Variants in RLF observed in about 807,000 individuals in gnomAD.
RLF encodes zinc finger protein Rlf.
Under a neutral mutation model 162.9 loss-of-function variants are expected in RLF, and 7 were observed. That is an observed-to-expected ratio of 0.04 (90% CI 0.02 to 0.08). The LOEUF (loss-of-function observed/expected upper bound fraction) is 0.08, where lower values mean the gene tolerates loss of function less well. RLF is among the 10% of genes least tolerant of loss of function. The probability of loss-of-function intolerance (pLI) is 1.00; values close to 1 mark genes in which losing one functional copy is unlikely to be tolerated. For missense variants in RLF, 1,664 were observed against 2,244.7 expected, an observed-to-expected ratio of 0.74 and a Z score of 5.23; for synonymous variants, 782 against 791.5, an observed-to-expected ratio of 0.99 and a Z score of 0.20.
intron 5 of RLF, among the ~76,000 whole-genome samples, chr1:40,215,772 G>A (rs895561753): frequency 1.1e-4 from 16 of 151,996 alleles, no homozygotes; most frequent in Admixed American, 5.9e-4. Context: ...GATGAATGAT[G>A]AAACACAACA....
intron 1 of RLF, among the ~76,000 whole-genome samples, chr1:40,162,722 ATC>A (rs1226964921): frequency 3.9e-5 from 6 of 152,162 alleles, no homozygotes; most frequent in African/African-American, 1.4e-4. Context: ...GAAGCACCTC[ATC>A]TCTCTGAATG....
intron 5 of RLF, among the ~76,000 whole-genome samples, chr1:40,207,432 G>A (rs182169513): frequency 2.6e-5 from 4 of 152,102 alleles, no homozygotes; most frequent in African/African-American, 7.2e-5. Flanking sequence ...TATGCTATCT[G>A]TATATTTATA....
chr1:40,186,163 CA>C (rs942743702), intron 1 of RLF, among the ~76,000 whole-genome samples: 1 of 151,342 alleles, frequency 6.6e-6, no homozygotes, highest in Non-Finnish European at 1.5e-5. Flanking sequence ...ATTAAAAAAA[CA>C]AAAAGAAAGA....
intron 7 of RLF, among the ~76,000 whole-genome samples, chr1:40,234,801 C>T (rs536938462): frequency 6.6e-6 from 1 of 152,166 alleles, no homozygotes; most frequent in South Asian, 2.1e-4. Context: ...ATTTCAGCCT[C>T]TCAGATAAAA....
intron 6 of RLF, among the ~76,000 whole-genome samples, chr1:40,229,393 T>G (rs1230508267): frequency 1.3e-5 from 2 of 152,096 alleles, no homozygotes; most frequent in Admixed American, 1.3e-4. Context: ...CATTTTAAAT[T>G]AATTATATTG....
chr1:40,215,070 C>T (rs1046953737), intron 5 of RLF, among the ~76,000 whole-genome samples: 8 of 151,862 alleles, frequency 5.3e-5, no homozygotes. Context: ...TAGAGAAGGT[C>T]AGCATCAAAT....
chr1:40,204,111 G>A (rs1357852037), intron 5 of RLF, among the ~76,000 whole-genome samples: 6 of 150,478 alleles, frequency 4.0e-5, no homozygotes, highest in African/African-American at 1.2e-4. Context: ...TTGCTCCTGG[G>A]TTCAAGCAAT....
rs1643257864 is a variant in RLF, at chr1:40,239,195, A to G, written c.4493A>G (p.Asp1498Gly). ...LRSEKVCQTA[D>G]TQGHEHQTTR... The stretch of plus-strand genomic sequence containing the variant: ...AGTGAAAAGGTATGTCAAACAGCTG[A>G]TACTCAGGGGCATGAACATCAGACC... The change falls in exon 8 of 8, where the codon GAT becomes GGT. Residue 1498 changes from aspartate (D) to glycine (G), a missense_variant. Asp to Gly is a moderately conservative substitution (Grantham distance 94). Transcript: ENST00000372771. The G allele has an allele frequency of 6.2e-7, 1 of 1,614,186 alleles. No individual in the cohort carries two copies. Among genetic ancestry groups the G allele is most frequent in the East Asian group, 2.2e-5 (1 of 44,890 alleles).
chr1:40,236,783 C>G lies in RLF; in HGVS notation c.2081C>G (p.Ala694Gly). Residue 694 changes from alanine (A) to glycine (G), a missense_variant, in exon 8 of 8, where the codon GCT (alanine) becomes GGT (glycine). Around this residue, in one of 15 missense-constraint regions of RLF, gnomAD observed 69 missense variants for 206.4 expected, o/e 0.33. Transcript: ENST00000372771. The surrounding 1 kb of genome is among the most constrained non-coding windows in gnomAD (Gnocchi z 7.7). Reference sequence around the variant, plus strand: ...AAATACTTAAGTGTGCATCTTAAAGCTGAACACCAAAATAATGATGAAAAT... The same window carrying G: ...AAATACTTAAGTGTGCATCTTAAAGGTGAACACCAAAATAATGATGAAAAT... Reference protein sequence around the residue: ...QFKYLSVHLKAEHQNNDENAK... With the variant: ...QFKYLSVHLKGEHQNNDENAK... 6.2e-7 allele frequency: 1 copy of G among 1,614,066 alleles called. No homozygotes were observed. The highest frequency in any genetic ancestry group is 8.5e-7 in the Non-Finnish European group (1 of 1,179,978).
At chr1:40,172,690 C>G (rs1458196469) in intron 1 of RLF, among the ~76,000 whole-genome samples, 1 of 152,116 alleles carries the variant, frequency 6.6e-6, no homozygotes, top group African/African-American at 2.4e-5. Context: ...TGGTTGAACC[C>G]AGGAGGCAGA....
chr1:40,218,374 A>T lies in RLF; in HGVS notation c.811-4200A>T, dbSNP rs1642953066. ...TCCCTTGGCTGGTTACTTTTGTGCC[A>T]TGCAAAACTGCACAACTCTGTGACA... On this transcript the variant is annotated intron_variant, in intron 5 of 7. Transcript: ENST00000372771. 2.0e-5 allele frequency among the ~76,000 whole-genome samples: 3 copies of T among 152,346 alleles called. No individual in the cohort carries two copies. The South Asian group carries it at 6.2e-4, about 32-fold the overall frequency.
At position 40,235,801 on chromosome 1, in the gene RLF, G is replaced by A; in HGVS notation, c.1099G>A (p.Ala367Thr). Residue 367 changes from alanine (A) to threonine (T), a missense_variant, in exon 8 of 8, where the codon GCT (alanine) becomes ACT (threonine). Around this residue, in one of 15 missense-constraint regions of RLF, gnomAD observed 287 missense variants for 404.9 expected, o/e 0.71. Transcript: ENST00000372771. ...IRVIQTEAQD[A>T]GLGVSILLCV... ...CCTCTTTTACTTACAGGCACAAGAT[G>A]CTGGTCTTGGGGTGTCAATTTTACT... 3.2e-6 allele frequency: 5 copies of A among 1,554,948 alleles called. No individual in the cohort carries two copies. The highest frequency in any genetic ancestry group is 4.3e-6 in the Non-Finnish European group (5 of 1,154,658).
chr1:40,205,917 T>C (rs1477712568), intron 5 of RLF, among the ~76,000 whole-genome samples: 2 of 152,218 alleles, frequency 1.3e-5, no homozygotes, highest in Non-Finnish European at 2.9e-5. Context: ...AGTTCTACTT[T>C]GCTGTCTGAT....
intron 5 of RLF, among the ~76,000 whole-genome samples, chr1:40,217,428 A>C (rs1168011584): frequency 6.6e-6 from 1 of 151,942 alleles, no homozygotes; most frequent in African/African-American, 2.4e-5. Flanking sequence ...CTGCCATCGT[A>C]CCACTACACT....
chr1:40,181,909 A>C lies in RLF; in HGVS notation c.238-7146A>C, dbSNP rs61780423. 3.6e-3 allele frequency among the ~76,000 whole-genome samples: 554 copies of C among 152,240 alleles called. 12 individuals are homozygous for C. Among genetic ancestry groups the C allele is most frequent in the East Asian group, 0.032 (164 of 5,184 alleles). ...AAAATTGTCATGGATACATGGGAAA[A>C]GTTAGATAAGGGGTGCTCATTTTAG... is the stretch of plus-strand genomic sequence containing the variant. On this transcript the variant is annotated intron_variant, in intron 1 of 7. Coordinates refer to ENST00000372771, the MANE Select transcript of RLF (RefSeq NM_012421.4).
In RLF at chr1:40,190,677, C is replaced by A; in HGVS notation, c.393-95C>A. The A allele has an allele frequency of 5.0e-6, 4 of 793,386 alleles. No individual in the cohort carries two copies. In the South Asian group the frequency reaches 6.4e-5, roughly 13 times the overall value. The allele number at this position is 793,386 out of a possible 1,614,324, so 49.1% of individuals were successfully genotyped here. ...GAAGAGTAAAAACATTTAAAATAGCCTAAACAAATGTAAAATAGATTTTTA... is the reference window on the plus strand; with the variant it reads ...GAAGAGTAAAAACATTTAAAATAGCATAAACAAATGTAAAATAGATTTTTA... On this transcript the variant is annotated intron_variant, in intron 2 of 7. Coordinates refer to ENST00000372771, the MANE Select transcript of RLF (RefSeq NM_012421.4).
intron 5 of RLF, among the ~76,000 whole-genome samples, chr1:40,212,172 A>G (rs1249591453): frequency 6.6e-6 from 1 of 152,202 alleles, no homozygotes; most frequent in African/African-American, 2.4e-5. Context: ...GTATGTTGGT[A>G]CCTGGGGGTA....
At chr1:40,212,305 G>T (rs1179448564) in intron 5 of RLF, among the ~76,000 whole-genome samples, 1 of 152,216 alleles carries the variant, frequency 6.6e-6, no homozygotes, top group Non-Finnish European at 1.5e-5. Context: ...TGGGTAAAGA[G>T]TGAGTCCTTT....
intron 4 of RLF, 97 bp from the exon 5 acceptor site, chr1:40,202,315 C>G (rs1642728589): frequency 1.3e-6 from 1 of 766,814 alleles, no homozygotes; most frequent in South Asian, 1.9e-5. Flanking sequence ...TTTTTATTAA[C>G]TAAAAATCAA....
Sources: allele counts gnomAD v4.1 joint callset (sites outside exome capture counted in the v4.1 genomes callset), GRCh38; gene constraint gnomAD v4.1.1; regional missense constraint gnomAD v4.1.1; non-coding constraint Gnocchi (gnomAD v3.1); transcripts MANE v1.5; gene names NCBI Gene and HGNC (gene_info 2026-07-23, HGNC 2026-07-21).